DCX: variants seen among roughly 807,000 people sequenced by gnomAD.
DCX encodes doublecortin.
A neutral mutation model predicts 20.9 loss-of-function variants in DCX; 4 were observed. That is an observed-to-expected ratio of 0.19 (90% CI 0.09 to 0.44). The LOEUF (loss-of-function observed/expected upper bound fraction) is 0.44, where lower values mean the gene tolerates loss of function less well. Among genes scored for constraint, DCX ranks in the 20% least tolerant of loss-of-function variants. The pLI is 0.99. For missense variants in DCX, 133 were observed against 296.9 expected, an observed-to-expected ratio of 0.45 and a Z score of 4.06; for synonymous variants, 103 against 111.4, an observed-to-expected ratio of 0.92 and a Z score of 0.47.
chrX:111,369,342 T>C (rs865964261), intron 3 of DCX, among the ~76,000 whole-genome samples: 68 of 111,504 alleles, frequency 6.1e-4, no homozygotes, highest in African/African-American at 1.9e-3. Flanking sequence ...TACAATTCAC[T>C]TATGAAAATT....
intron 6 of DCX, among the ~76,000 whole-genome samples, chrX:111,309,614 A>G (rs779439137): frequency 1.9e-4 from 21 of 112,187 alleles, no homozygotes; most frequent in Admixed American, 4.7e-4. Flanking sequence ...CATCACTCCT[A>G]TGATATTCCT....
chrX:111,306,668 G>T lies in DCX; in HGVS notation c.1045-4925C>A, dbSNP rs1275406212. Among the ~76,000 whole-genome samples, 21 of 111,032 alleles carry T rather than the reference G, an allele frequency of 1.9e-4. No homozygotes were observed. In the Admixed American group the frequency reaches 2.0e-3, roughly 11 times the overall value. ...TCCTCCAGGATAGATCATATGCTAGGCCATAAAACAATTCTCAATAAATTT... is the reference window on the plus strand; with the variant it reads ...TCCTCCAGGATAGATCATATGCTAGTCCATAAAACAATTCTCAATAAATTT... On this transcript the variant is annotated intron_variant, in intron 6 of 6. Coordinates refer to ENST00000636035, the MANE Select transcript of DCX (RefSeq NM_001195553.2).
At chrX:111,306,851 A>T (rs2095046412) in intron 6 of DCX, among the ~76,000 whole-genome samples, 1 of 111,674 alleles carries the variant, frequency 9.0e-6, no homozygotes, top group South Asian at 3.7e-4. Context: ...ATCACAAAAT[A>T]CCTTGAGATA....
intron 3 of DCX, among the ~76,000 whole-genome samples, chrX:111,400,442 T>C (rs1485667204): frequency 2.7e-5 from 3 of 111,883 alleles, no homozygotes; most frequent in Non-Finnish European, 3.8e-5. Flanking sequence ...AAGACAGCTA[T>C]GTCATATGGA....
intron 3 of DCX, among the ~76,000 whole-genome samples, chrX:111,356,532 T>C (rs868775959): frequency 1.8e-5 from 2 of 112,469 alleles, no homozygotes; most frequent in Middle Eastern, 9.2e-3. Context: ...TCTATTTTGT[T>C]CTAAGGACGG....
intron 6 of DCX, among the ~76,000 whole-genome samples, chrX:111,303,772 C>A (rs1013374356): frequency 9.0e-6 from 1 of 111,696 alleles, no homozygotes; most frequent in African/African-American, 3.3e-5. Context: ...GCAACTACAG[C>A]AAATAGACTC....
chrX:111,398,748 A>G (rs1927538457), intron 3 of DCX, among the ~76,000 whole-genome samples: 1 of 111,785 alleles, frequency 8.9e-6, no homozygotes, highest in African/African-American at 3.3e-5. Context: ...ATTTGGAACA[A>G]AAGCAGAATG....
chrX:111,360,927 G>A (rs1924155759), intron 3 of DCX, among the ~76,000 whole-genome samples: 2 of 111,494 alleles, frequency 1.8e-5, no homozygotes, highest in Admixed American at 9.5e-5. Context: ...TCTCAACCTC[G>A]GTGCTCCTGA....
At chrX:111,383,435 TAA>T (rs758574311) in intron 3 of DCX, among the ~76,000 whole-genome samples, 7 of 112,173 alleles carry the variant, frequency 6.2e-5, no homozygotes, top group African/African-American at 2.3e-4. Context: ...TGAAAAAGAA[TAA>T]AAGTTTTATC....
intron 3 of DCX, among the ~76,000 whole-genome samples, chrX:111,367,397 C>A (rs908308833): frequency 1.8e-5 from 2 of 111,664 alleles, no homozygotes; most frequent in African/African-American, 6.5e-5. Context: ...TATCATTATG[C>A]CTTGCAAATA....
chrX:111,395,387 G>A (rs1310900951), intron 3 of DCX, among the ~76,000 whole-genome samples: 1 of 111,950 alleles, frequency 8.9e-6, no homozygotes, highest in African/African-American at 3.2e-5. Context: ...GATTGAATTG[G>A]CCAAGTCACA....
At chrX:111,362,481 G>A (rs910496955) in intron 3 of DCX, among the ~76,000 whole-genome samples, 1 of 111,448 alleles carries the variant, frequency 9.0e-6, no homozygotes. Context: ...ACTCATTGGC[G>A]TAGTTTTCCT....
intron 3 of DCX, among the ~76,000 whole-genome samples, chrX:111,373,171 T>C (rs1439853780): frequency 8.9e-6 from 1 of 112,361 alleles, no homozygotes; most frequent in Non-Finnish European, 1.9e-5. Context: ...TAATCACTAC[T>C]ATGATTTGAC....
chrX:111,391,754 G>A (rs1318199897), intron 3 of DCX, among the ~76,000 whole-genome samples: 1 of 111,604 alleles, frequency 9.0e-6, no homozygotes, highest in African/African-American at 3.3e-5. Context: ...TGACAACTGG[G>A]CTAATGATGA....
intron 3 of DCX, among the ~76,000 whole-genome samples, chrX:111,400,640 A>G (rs1927697468): frequency 8.9e-6 from 1 of 112,283 alleles, no homozygotes; most frequent in African/African-American, 3.2e-5. Flanking sequence ...TATCATTTTC[A>G]GTCACATGTA....
At chrX:111,382,551 G>A (rs767326313) in intron 3 of DCX, among the ~76,000 whole-genome samples, 1 of 111,834 alleles carries the variant, frequency 8.9e-6, no homozygotes, top group Non-Finnish European at 1.9e-5. Flanking sequence ...ATTTTACTAG[G>A]GCTTTGAATG....
chrX:111,407,802 GCACACACACACACACACACA>G lies in DCX; in HGVS notation c.364+2213_364+2232del, dbSNP rs34206475. Among the ~76,000 whole-genome samples the G allele has an allele frequency of 1.0e-4, 9 of 90,275 alleles. No homozygotes were observed. In the Admixed American group the frequency reaches 1.2e-3, roughly 12 times the overall value. The allele number at this position is 90,275 out of a possible 115,157, so 78.4% of individuals were successfully genotyped here. A position where few individuals can be genotyped will look rare whatever the true frequency, so the allele number is the denominator to read the frequency against. ...CCAGCCCCTCGTGATACATCAATAC[GCACACACACACACACACACA>G]CACACACACACACACATATCTAGGG... is the stretch of plus-strand genomic sequence containing the variant. On this transcript the variant is annotated intron_variant, in intron 2 of 6. Transcript: ENST00000636035.
chrX:111,334,830 A>G (rs1921576888), intron 3 of DCX, among the ~76,000 whole-genome samples: 2 of 112,120 alleles, frequency 1.8e-5, no homozygotes, highest in South Asian at 7.6e-4. Flanking sequence ...ATTTAGTGTC[A>G]TGAGTACTAG....
In DCX at chrX:111,354,437, T is replaced by C. The variant is rs761027230; in HGVS notation, c.706-21284A>G. 3.9e-4 allele frequency among the ~76,000 whole-genome samples: 44 copies of C among 111,761 alleles called. No individual in the cohort carries two copies. The South Asian group carries it at 0.016, about 40-fold the overall frequency. ...GTCAAAAGTAAAACACATAAAGAAA[T>C]AAGGCTGATGGCTGTGTTAAAGAGA... On this transcript the variant is annotated intron_variant, in intron 3 of 6. Coordinates refer to ENST00000636035, the MANE Select transcript of DCX (RefSeq NM_001195553.2).
Sources: gnomAD v4.1 joint callset for allele counts (sites outside exome capture counted in the v4.1 genomes callset) on GRCh38, gnomAD v4.1.1 for gene constraint, MANE v1.5 for transcripts, NCBI Gene and HGNC (gene_info 2026-07-23, HGNC 2026-07-21) for gene names.